DCTN6: variants seen among roughly 807,000 people sequenced by gnomAD.
DCTN6 encodes the protein dynactin subunit 6.
A neutral mutation model predicts 25.8 loss-of-function variants in DCTN6; 15 were observed. The ratio of observed to expected loss-of-function variants is 0.58; its 90% CI spans 0.39 to 0.89. The LOEUF (loss-of-function observed/expected upper bound fraction) is 0.89, where lower values mean the gene tolerates loss of function less well. DCTN6 is among the 40% of genes least tolerant of loss of function. The probability of loss-of-function intolerance (pLI) is 0.00; values close to 1 mark genes in which losing one functional copy is unlikely to be tolerated. For synonymous variants in DCTN6, 64 were observed against 78.3 expected (o/e 0.82, Z 0.96); for missense variants, 198 against 237.6 (o/e 0.83, Z 1.09).
chr8:30,177,547 T>TA (rs554921432), intron 4 of DCTN6: 272 of 153,304 alleles, frequency 1.8e-3, no homozygotes, highest in Middle Eastern at 3.4e-3. Context: ...TCTCTACTAT[T>TA]AAAAAAAAAA....
chr8:30,178,668 A>G (rs1207146059), intron 4 of DCTN6, among the ~76,000 whole-genome samples: 2 of 151,692 alleles, frequency 1.3e-5, no homozygotes, highest in African/African-American at 4.8e-5. Flanking sequence ...TTTTTATTTT[A>G]TCTTTTCTGA....
intron 5 of DCTN6, among the ~76,000 whole-genome samples, chr8:30,179,755 G>T (rs1803888521): frequency 6.6e-6 from 1 of 152,190 alleles, no homozygotes; most frequent in Admixed American, 6.5e-5. Context: ...TAGTTGGTTA[G>T]TGTTGTTGTA....
intron 2 of DCTN6, among the ~76,000 whole-genome samples, chr8:30,173,163 A>G (rs1803785600): frequency 6.6e-6 from 1 of 152,172 alleles, no homozygotes; most frequent in African/African-American, 2.4e-5. Context: ...GGGATGTTGG[A>G]CTGAGCACCC....
At chr8:30,157,925 TAGC>T (rs1275009666) in intron 1 of DCTN6, among the ~76,000 whole-genome samples, 4 of 148,212 alleles carry the variant, frequency 2.7e-5, no homozygotes, top group Admixed American at 7.0e-5. Flanking sequence ...GTGCAGTAGA[TAGC>T]AGTAGATAGT....
At chr8:30,169,650 C>T (rs1331047502) in intron 2 of DCTN6, among the ~76,000 whole-genome samples, 2 of 152,168 alleles carry the variant, frequency 1.3e-5, no homozygotes, top group Non-Finnish European at 2.9e-5. Context: ...GCACTTTAAC[C>T]TCAAGACCCT....
At chr8:30,158,695 G>T in intron 1 of DCTN6, among the ~76,000 whole-genome samples, 1 of 121,866 alleles carries the variant, frequency 8.2e-6, no homozygotes, top group East Asian at 2.6e-4. Context: ...TATTTCAGTA[G>T]ATTGACTTTT....
intron 2 of DCTN6, among the ~76,000 whole-genome samples, chr8:30,170,818 T>G (rs1207261684): frequency 1.3e-5 from 2 of 151,840 alleles, no homozygotes; most frequent in African/African-American, 4.8e-5. Flanking sequence ...TTTTTGTGTT[T>G]TAGTAGAGAT....
chr8:30,167,691 T>TTTTC (rs111706788), intron 2 of DCTN6, among the ~76,000 whole-genome samples: 20,231 of 151,560 alleles, frequency 0.13, 1,809 homozygotes, highest in East Asian at 0.43. Context: ...TTAACACAGA[T>TTTTC]TTTCTTTCTT....
rs772736184 is a variant in DCTN6, at chr8:30,180,715, A to G, written c.474+85A>G. 4.8e-6 allele frequency: 7 copies of G among 1,451,098 alleles called. No homozygotes were observed. In the South Asian group the frequency reaches 6.4e-5, roughly 13 times the overall value. The allele number at this position is 1,451,098 out of a possible 1,614,324, so 89.9% of individuals were successfully genotyped here. ...ATTGTCTTCATGAGGCAGCAGGTAC[A>G]CTATTTAAGAACATAATTAAAATAA... On this transcript the variant is annotated intron_variant, in intron 6 of 6. Transcript: ENST00000221114.
intron 4 of DCTN6, among the ~76,000 whole-genome samples, chr8:30,178,010 G>A (rs1803864228): frequency 6.6e-6 from 1 of 152,138 alleles, no homozygotes; most frequent in Admixed American, 6.5e-5. Context: ...AAGAACCCCA[G>A]CTTTGTCAGT....
intron 1 of DCTN6, among the ~76,000 whole-genome samples, chr8:30,161,748 ATTT>A (rs11292520): frequency 1.4e-4 from 19 of 138,900 alleles, no homozygotes; most frequent in East Asian, 2.1e-4. Context: ...TTGTGTTTTA[ATTT>A]TTTTTTTTTT....
At chr8:30,157,240 C>T (rs1162022639) in intron 1 of DCTN6, among the ~76,000 whole-genome samples, 1 of 152,192 alleles carries the variant, frequency 6.6e-6, no homozygotes. Context: ...CCTCCAGTTC[C>T]ATCCATGTTG....
chr8:30,171,039 T>C (rs67240919), intron 2 of DCTN6, among the ~76,000 whole-genome samples: 23,913 of 152,152 alleles, frequency 0.16, 2,531 homozygotes, highest in East Asian at 0.46. Context: ...ATATAAGAAA[T>C]TTGTATTACT....
rs1275451609 is a variant in DCTN6 at position 30,163,247 on chromosome 8, A to C, written c.24-864A>C. 1.1e-4 allele frequency among the ~76,000 whole-genome samples: 16 copies of C among 152,264 alleles called. No homozygotes were observed. The South Asian group carries it at 3.3e-3, about 32-fold the overall frequency. On this transcript the variant is annotated intron_variant, in intron 1 of 6. Transcript: ENST00000221114. ...GGGAGGCAGAGGTTGCAGTGAGCCG[A>C]GATGGTGCCATTGCACTCCAGCCTG...
At chr8:30,173,871 C>T (rs750815257) in intron 2 of DCTN6, among the ~76,000 whole-genome samples, 1 of 152,042 alleles carries the variant, frequency 6.6e-6, no homozygotes, top group Non-Finnish European at 1.5e-5. Flanking sequence ...CTTGTTTACC[C>T]ATAAAAATTG....
rs536451022 is a variant in DCTN6, at chr8:30,182,059, C to A, written c.475-1016C>A. On this transcript the variant is annotated intron_variant, in intron 6 of 6. Transcript: ENST00000221114. ...AAAAGGAAATAAGGTCAAATCCAGT[C>A]ATTTGTTTTACTTTCTACATAACAG... 2.7e-4 allele frequency among the ~76,000 whole-genome samples: 41 copies of A among 152,166 alleles called. No individual in the cohort carries two copies. In the South Asian group the frequency reaches 8.5e-3, roughly 32 times the overall value.
intron 1 of DCTN6, among the ~76,000 whole-genome samples, chr8:30,160,689 T>G (rs1179593700): frequency 6.6e-6 from 1 of 152,236 alleles, no homozygotes; most frequent in Non-Finnish European, 1.5e-5. Context: ...TTACATTGTA[T>G]TAGGTATTGT....
At chr8:30,176,793 T>TC (rs1803841472) in intron 3 of DCTN6, 2 of 228,916 alleles carry the variant, frequency 8.7e-6, no homozygotes, top group Non-Finnish European at 1.7e-5. Flanking sequence ...CTGGGCAACA[T>TC]GGTGAAACCC....
At chr8:30,174,462 A>G (rs781002833) in intron 2 of DCTN6, among the ~76,000 whole-genome samples, 7 of 151,798 alleles carry the variant, frequency 4.6e-5, no homozygotes, top group African/African-American at 7.3e-5. Flanking sequence ...CCTCCCAAGT[A>G]GCTGGGACTA....
Sources: allele counts gnomAD v4.1 joint callset (sites outside exome capture counted in the v4.1 genomes callset), GRCh38; gene constraint gnomAD v4.1.1; transcripts MANE v1.5; gene names NCBI Gene and HGNC (gene_info 2026-07-23, HGNC 2026-07-21).